The following FNBP1L variants were observed in gnomAD, a reference collection of about 807,000 sequenced individuals.
FNBP1L encodes the protein formin binding protein 1 like, also known as formin-binding protein 1-like.
In FNBP1L, 36 loss-of-function variants were observed where a neutral mutation model predicts 91.2. The ratio of observed to expected loss-of-function variants is 0.39; its 90% confidence interval spans 0.30 to 0.52. The LOEUF (loss-of-function observed/expected upper bound fraction) is 0.52, where lower values mean the gene tolerates loss of function less well. FNBP1L is among the 20% of genes least tolerant of loss of function. FNBP1L has a pLI of 0.66. For missense variants in FNBP1L, 571 were observed against 732.1 expected (o/e 0.78, Z 2.54); for synonymous variants, 242 against 237.0 (o/e 1.02, Z -0.19).
intron 1 of FNBP1L, among the ~76,000 whole-genome samples, chr1:93,494,715 T>G (rs1212836787): frequency 6.6e-6 from 1 of 152,236 alleles, no homozygotes; most frequent in Admixed American, 6.5e-5. Flanking sequence ...ATTAGTCTGT[T>G]CGCATACTGC....
chr1:93,512,554 G>C (rs2101739052), intron 2 of FNBP1L, among the ~76,000 whole-genome samples: 1 of 152,006 alleles, frequency 6.6e-6, no homozygotes, highest in East Asian at 1.9e-4. Context: ...TAAAAGAACA[G>C]AAATTATAGC....
chr1:93,549,381 C>T lies in FNBP1L; in HGVS notation c.1606C>T (p.Pro536Ser). The T allele has an allele frequency of 6.2e-7, 1 of 1,612,150 alleles. No homozygotes were observed. The highest frequency in any genetic ancestry group is 8.5e-7 in the Non-Finnish European group (1 of 1,179,208). Residue 536 changes from proline (P) to serine (S), a missense_variant, in exon 15 of 17, where the codon CCC becomes TCC. Coordinates refer to ENST00000271234, the MANE Select transcript of FNBP1L (RefSeq NM_001164473.3). ...EFDDEFEDDDPLPAIGHCKAI... is the reference protein window; with the variant it reads ...EFDDEFEDDDSLPAIGHCKAI... ...TGATGATGAATTTGAGGATGATGAT[C>T]CCTTGCCTGCTATTGGACACTGCAA...
At chr1:93,548,719 CA>C (rs1672314709) in intron 14 of FNBP1L, among the ~76,000 whole-genome samples, 1 of 152,070 alleles carries the variant, frequency 6.6e-6, no homozygotes, top group Non-Finnish European at 1.5e-5. Flanking sequence ...AGTATTCCTG[CA>C]GGTTTCGAGT....
intron 2 of FNBP1L, among the ~76,000 whole-genome samples, chr1:93,506,288 C>T (rs1670610008): frequency 6.6e-6 from 1 of 152,080 alleles, no homozygotes; most frequent in Non-Finnish European, 1.5e-5. Flanking sequence ...TGGCTTTATT[C>T]TTTTAGTGCA....
chr1:93,510,443 CA>C (rs1389227501), intron 2 of FNBP1L, among the ~76,000 whole-genome samples: 9 of 152,112 alleles, frequency 5.9e-5, no homozygotes, highest in Non-Finnish European at 1.2e-4. Flanking sequence ...ACATCCACAC[CA>C]AAAACCCATC....
chr1:93,487,544 C>T (rs186741110), intron 1 of FNBP1L, among the ~76,000 whole-genome samples: 14 of 152,258 alleles, frequency 9.2e-5, no homozygotes, highest in Admixed American at 5.2e-4. Context: ...AACCACATGA[C>T]AGAGATTTTT....
chr1:93,457,402 T>G (rs1668706850), intron 1 of FNBP1L, among the ~76,000 whole-genome samples: 1 of 152,226 alleles, frequency 6.6e-6, no homozygotes, highest in Non-Finnish European at 1.5e-5. Flanking sequence ...TGTTTTCTTC[T>G]GCCATTTGCT....
At chr1:93,467,833 T>C (rs1256983307) in intron 1 of FNBP1L, among the ~76,000 whole-genome samples, 1 of 152,140 alleles carries the variant, frequency 6.6e-6, no homozygotes, top group East Asian at 1.9e-4. Flanking sequence ...CAGCTACTCT[T>C]GAGGGTGAGG....
At chr1:93,548,296 G>A (rs1672305247) in intron 14 of FNBP1L, among the ~76,000 whole-genome samples, 1 of 152,110 alleles carries the variant, frequency 6.6e-6, no homozygotes, top group Non-Finnish European at 1.5e-5. Context: ...CTTACTGAAA[G>A]TACTGTTAAA....
Position 93,522,488 on chromosome 1 carries a change from TTGAC to T in FNBP1L, c.194+357_194+360del, listed in dbSNP as rs536238746. On this transcript the variant is annotated intron_variant, in intron 3 of 16. Transcript: ENST00000271234. ...TTACTCTTATAGATAGTAAAACAAT[TTGAC>T]TGATTGGTATAAAGGGATGTTGAAA... is the stretch of plus-strand genomic sequence containing the variant. 8.5e-5 allele frequency among the ~76,000 whole-genome samples: 13 copies of T among 152,112 alleles called. No homozygotes were observed. In the South Asian group the frequency reaches 1.2e-3, roughly 15 times the overall value.
At chr1:93,478,799 T>C (rs1209691774) in intron 1 of FNBP1L, among the ~76,000 whole-genome samples, 1 of 152,182 alleles carries the variant, frequency 6.6e-6, no homozygotes, top group South Asian at 2.1e-4. Flanking sequence ...ATTGGAGATA[T>C]TGGTGTAAAC....
At chr1:93,484,614 G>C (rs1669832206) in intron 1 of FNBP1L, among the ~76,000 whole-genome samples, 1 of 152,186 alleles carries the variant, frequency 6.6e-6, no homozygotes, top group Admixed American at 6.5e-5. Flanking sequence ...TTGGTGTGAG[G>C]GTAGAGGAAC....
intron 2 of FNBP1L, among the ~76,000 whole-genome samples, chr1:93,513,419 T>G (rs1670937702): frequency 6.6e-6 from 1 of 152,058 alleles, no homozygotes; most frequent in Admixed American, 6.6e-5. Context: ...ACTCATTTTA[T>G]GAGGCCAGCA....
intron 2 of FNBP1L, among the ~76,000 whole-genome samples, chr1:93,500,233 C>T (rs1262659290): frequency 6.6e-6 from 1 of 152,108 alleles, no homozygotes; most frequent in Non-Finnish European, 1.5e-5. Context: ...GACAAAAAAT[C>T]CAACCTAAAC....
intron 1 of FNBP1L, among the ~76,000 whole-genome samples, chr1:93,477,321 G>A (rs1017179786): frequency 6.6e-6 from 1 of 152,206 alleles, no homozygotes; most frequent in East Asian, 1.9e-4. Context: ...TGAGACACAT[G>A]TATAATATGG....
At chr1:93,460,336 T>A (rs1668820617) in intron 1 of FNBP1L, among the ~76,000 whole-genome samples, 1 of 152,200 alleles carries the variant, frequency 6.6e-6, no homozygotes, top group African/African-American at 2.4e-5. Flanking sequence ...CTTCACCAGA[T>A]ACCAGTTTTC....
intron 2 of FNBP1L, among the ~76,000 whole-genome samples, chr1:93,519,708 G>C (rs546497771): frequency 6.5e-4 from 99 of 152,302 alleles, no homozygotes; most frequent in Admixed American, 1.3e-3. Flanking sequence ...CCAGTACTTT[G>C]GGAGGCCAAG....
intron 12 of FNBP1L, 41 bp from the exon 13 acceptor site, chr1:93,546,801 T>C (rs962543395): frequency 6.2e-7 from 1 of 1,604,066 alleles, no homozygotes; most frequent in Non-Finnish European, 8.5e-7. Flanking sequence ...TGGAAGCATA[T>C]GAAGTTAATA....
At chr1:93,475,073 ACTT>A (rs985394658) in intron 1 of FNBP1L, among the ~76,000 whole-genome samples, 13 of 152,136 alleles carry the variant, frequency 8.5e-5, no homozygotes, top group East Asian at 5.8e-4. Flanking sequence ...ATCTGAAGTG[ACTT>A]CTTCTTTTTT....
Sources: allele counts gnomAD v4.1 joint callset (sites outside exome capture counted in the v4.1 genomes callset), GRCh38; gene constraint gnomAD v4.1.1; transcripts MANE v1.5; gene names NCBI Gene and HGNC (gene_info 2026-07-23, HGNC 2026-07-21).